The following SETD1B variants were observed in gnomAD, a reference collection of about 807,000 sequenced individuals.
SETD1B encodes histone-lysine N-methyltransferase SETD1B.
A neutral mutation model predicts 148.0 loss-of-function variants in SETD1B; 7 were observed. The observed-to-expected ratio is 0.05, with a 90% CI of 0.03 to 0.09. The LOEUF (loss-of-function observed/expected upper bound fraction) is 0.09, where lower values mean the gene tolerates loss of function less well. Among genes scored for constraint, SETD1B ranks in the 10% least tolerant of loss-of-function variants. The pLI is 1.00. For missense variants in SETD1B, 2,155 were observed against 2,729.9 expected, an observed-to-expected ratio of 0.79 and a Z score of 4.69; for synonymous variants, 1,361 against 1,186.5, an observed-to-expected ratio of 1.15 and a Z score of -3.02.
At chr12:121,825,051 C>T (rs139932721) in intron 12 of SETD1B, 149 bp from the exon 13 acceptor site, 33 of 708,792 alleles carry the variant, frequency 4.7e-5, no homozygotes, top group East Asian at 1.7e-4. Context: ...GGTTGGTCAG[C>T]GGGCAGCCAC....
Position 121,808,395 on chromosome 12 carries a change from C to G in SETD1B, c.657+75C>G. On this transcript the variant is annotated intron_variant, in intron 5 of 16. Transcript: ENST00000604567. The surrounding 1 kb of genome is among the most constrained non-coding windows in gnomAD (Gnocchi z 5.3). ...CCCCACCTCTGGAAAGCCTCACCAA[C>G]TCTCTTATGGGACCCCCAGCCTACC... 1 of 984,540 alleles carries G rather than the reference C, an allele frequency of 1.0e-6. No individual in the cohort carries two copies. The highest frequency in any genetic ancestry group is 1.5e-5 in the South Asian group (1 of 66,552). The allele number at this position is 984,540 out of a possible 1,614,324, so 61.0% of individuals were successfully genotyped here. A position where few individuals can be genotyped will look rare whatever the true frequency, so the allele number is the denominator to read the frequency against.
chr12:121,821,742 CTG>C (rs1254015311), intron 11 of SETD1B, among the ~76,000 whole-genome samples: 1 of 151,912 alleles, frequency 6.6e-6, no homozygotes, highest in African/African-American at 2.4e-5. Context: ...CAGAGTGAGA[CTG>C]TCTCGAAAAA....
the SETD1B span, among the ~76,000 whole-genome samples, chr12:121,790,935 G>A: frequency 4.0e-5 from 6 of 151,736 alleles, no homozygotes; most frequent in East Asian, 9.6e-4. Context: ...GTGCAGTAGC[G>A]TGATCTTGAC....
chr12:121,809,811 A>C lies in SETD1B; in HGVS notation c.866A>C (p.Tyr289Ser). 1 of 1,550,768 alleles carries C rather than the reference A, an allele frequency of 6.4e-7. No homozygotes were observed. The change falls in exon 6 of 17, where the codon TAC (tyrosine) becomes TCC (serine). Residue 289 changes from tyrosine (Y) to serine (S), a missense_variant. Physicochemically the swap from Tyr to Ser is moderately radical, Grantham distance 144. This residue lies in a region of SETD1B where 376 missense variants were observed against 385.0 expected (regional missense o/e 0.98). Transcript: ENST00000604567. ...ACCCCTTTCTCACAGGACTCCAGCT[A>C]CTCCAGCCGCCAGCCCACACCCTCA... The part of the protein sequence containing the change: ...LGTPFSQDSS[Y>S]SSRQPTPSYL...
At chr12:121,813,102 G>C (rs983266071) in intron 6 of SETD1B, among the ~76,000 whole-genome samples, 11 of 152,260 alleles carry the variant, frequency 7.2e-5, no homozygotes, top group African/African-American at 2.4e-4. Flanking sequence ...CAGGTCCTGG[G>C]CTCCAGACCT....
At chr12:121,813,601 C>T (rs1364568733) in intron 6 of SETD1B, among the ~76,000 whole-genome samples, 3 of 152,110 alleles carry the variant, frequency 2.0e-5, no homozygotes, top group Non-Finnish European at 4.4e-5. Flanking sequence ...AAATGTGGAG[C>T]GTTTAGAAAG....
the SETD1B span, chr12:121,793,853 G>A: frequency 2.3e-6 from 1 of 429,602 alleles, no homozygotes; most frequent in Non-Finnish European, 4.1e-6. Context: ...TGCAGCACCG[G>A]AAAAACGGGG....
chr12:121,793,635 G>T, the SETD1B span: 4 of 1,534,560 alleles, frequency 2.6e-6, no homozygotes, highest in Non-Finnish European at 3.5e-6. Context: ...GGCATCCATT[G>T]CCCGGAGCCC....
At chr12:121,809,411 T>C (rs956136011) in intron 5 of SETD1B, among the ~76,000 whole-genome samples, 192 bp from the exon 6 acceptor site, 3 of 152,210 alleles carry the variant, frequency 2.0e-5, no homozygotes, top group Non-Finnish European at 4.4e-5. Context: ...CATATTTGGC[T>C]ACCCCTAAGA....
At position 121,823,264 on chromosome 12, in the gene SETD1B, C is replaced by G. The variant is rs755070852; in HGVS notation, c.4685C>G (p.Pro1562Arg). The stretch of plus-strand genomic sequence containing the variant: ...GGCCAGCCACAGACCCCCGTCTTCC[C>G]CAGCACCCATGACCCCCGGACGGTG... ...LPGQPQTPVF[P>R]STHDPRTVTL... Residue 1562 changes from proline to arginine, a missense_variant, in exon 12 of 17, where the codon CCC becomes CGC. Transcript: ENST00000604567. 952 of 1,549,978 alleles carry G rather than the reference C, an allele frequency of 6.1e-4. 11 individuals are homozygous for G. Among genetic ancestry groups the G allele is most frequent in the South Asian group, 8.3e-5 (7 of 84,060 alleles).
rs1555337198 is a variant in SETD1B at position 121,815,699 on chromosome 12, C to CA, written c.2715+770dup. Among the ~76,000 whole-genome samples, 2 of 152,032 alleles carry CA rather than the reference C, an allele frequency of 1.3e-5. 1 individual carries two copies. The highest frequency in any genetic ancestry group is 2.9e-5 in the Non-Finnish European group (2 of 68,008). Reference sequence around the variant, plus strand: ...TAATTTGTGTGTTTTTCTGTAAAGACAGAGTTTCACCACGTTGCCCAGGCT... The same window carrying CA: ...TAATTTGTGTGTTTTTCTGTAAAGACAAGAGTTTCACCACGTTGCCCAGGCT... On this transcript the variant is annotated intron_variant, in intron 7 of 16. Coordinates refer to ENST00000604567, the MANE Select transcript of SETD1B (RefSeq NM_001353345.2).
rs1875948038 is a variant in SETD1B, at chr12:121,810,086, ACTC to A, written c.1143_1145del (p.Pro384del). On this transcript the variant is annotated inframe_deletion, in exon 6 of 17. Coordinates refer to ENST00000604567, the MANE Select transcript of SETD1B (RefSeq NM_001353345.2). This position sits in a 1 kb window ranked among gnomAD's most constrained non-coding sequence, Gnocchi z 7.6. ...ACAGGATTCAGCCACATTTGCCCAC[ACTC>A]CACCACCCGCCCAAGCAACCCCTGC... is the stretch of plus-strand genomic sequence containing the variant. The A allele has an allele frequency of 6.5e-7, 1 of 1,548,832 alleles. No individual in the cohort carries two copies. The highest frequency in any genetic ancestry group is 1.4e-5 in the African/African-American group (1 of 72,592).
chr12:121,793,127 C>T, the SETD1B span: 3 of 1,539,370 alleles, frequency 1.9e-6, no homozygotes, highest in African/African-American at 4.1e-5. Context: ...GACCCTCGGG[C>T]CCCCCGGCGC....
the SETD1B span, chr12:121,793,305 C>T: frequency 6.8e-7 from 1 of 1,474,670 alleles, no homozygotes; most frequent in South Asian, 1.2e-5. Context: ...CAGCTGAATC[C>T]ACTGTCCACC....
upstream of SETD1B, chr12:121,799,717 T>TGGGGGGGGGGGGGGGGG (rs1456064145): frequency 1.6e-3 from 30 of 19,132 alleles, 1 homozygote; most frequent in Admixed American, 4.7e-3. Flanking sequence ...CGCTCGCAGC[T>TGGGGGGGGGGGGGGGGG]GGGGGGGGGG....
Position 121,825,294 on chromosome 12 carries a change from C to T in SETD1B, c.5265C>T (p.Ile1755=), listed in dbSNP as rs1480251355. ...GCARSEGFYT[I]DKKDKLRYLN... is the part of the protein sequence containing the mutation. ...CCCGCAGTGAGGGCTTCTACACCAT[C>T]GACAAGAAGGACAAGCTCAGATACC... Residue 1755 remains isoleucine (I), a synonymous_variant, in exon 13 of 17, where the codon ATC becomes ATT. Coordinates refer to ENST00000604567, the MANE Select transcript of SETD1B (RefSeq NM_001353345.2). 4.6e-5 allele frequency: 71 copies of T among 1,551,770 alleles called. No homozygotes were observed. Among genetic ancestry groups the T allele is most frequent in the Non-Finnish European group, 5.1e-5 (59 of 1,147,094 alleles).
Position 121,819,429 on chromosome 12 carries a change from C to T in SETD1B, c.3444C>T (p.Ser1148=), listed in dbSNP as rs1876458257. 2.6e-6 allele frequency: 4 copies of T among 1,551,924 alleles called. No homozygotes were observed. The South Asian group carries it at 3.6e-5, about 14-fold the overall frequency. The part of the protein sequence containing the change: ...DEEETVSIVT[S]KAEATSSSES... ...AGGAGACAGTGAGCATTGTAACCTC[C>T]AAGGCCGAAGCCACGTCGTCCAGTG... The change falls in exon 11 of 17, where the codon TCC becomes TCT. Residue 1148 remains serine, a synonymous_variant. Transcript: ENST00000604567.
At chr12:121,820,193 A>G (rs1164958570) in intron 11 of SETD1B, among the ~76,000 whole-genome samples, 1 of 152,212 alleles carries the variant, frequency 6.6e-6, no homozygotes, top group Non-Finnish European at 1.5e-5. Context: ...ATGCTCCCCA[A>G]AAGGAGGATG....
rs956471624 is a variant in SETD1B, at chr12:121,810,511, G to A, written c.1566G>A (p.Ser522=). 4.5e-6 allele frequency: 7 copies of A among 1,546,114 alleles called. No individual in the cohort carries two copies. The highest frequency in any genetic ancestry group is 2.4e-5 in the South Asian group (2 of 84,066). The change falls in exon 6 of 17, where the codon TCG becomes TCA. Residue 522 remains serine (S), a synonymous_variant. Transcript: ENST00000604567. This position sits in a 1 kb window ranked among gnomAD's most constrained non-coding sequence, Gnocchi z 7.6. ...TGCTCTTCCTGAGGGAGCCGGACTC[G>A]GACACCGAGCTGCAGATGGAGGGCA... The part of the protein sequence containing the change: ...TKLLFLREPD[S]DTELQMEGSP...
Sources: allele counts gnomAD v4.1 joint callset (sites outside exome capture counted in the v4.1 genomes callset), GRCh38; gene constraint gnomAD v4.1.1; regional missense constraint gnomAD v4.1.1; non-coding constraint Gnocchi (gnomAD v3.1); transcripts MANE v1.5; gene names NCBI Gene and HGNC (gene_info 2026-07-23, HGNC 2026-07-21).